The following KCNQ4 variants were observed in gnomAD, a reference collection of about 807,000 sequenced individuals.
The protein encoded by KCNQ4 is potassium voltage-gated channel subfamily KQT member 4.
A neutral mutation model predicts 72.6 loss-of-function variants in KCNQ4; 31 were observed. That is an observed-to-expected ratio of 0.43 (90% CI 0.32 to 0.58). KCNQ4 has a LOEUF of 0.58. KCNQ4 is among the 20% of genes least tolerant of loss of function. The pLI is 0.08. For missense variants in KCNQ4, 869 were observed against 962.6 expected (o/e 0.90, Z 1.29); for synonymous variants, 405 against 403.7 (o/e 1.00, Z -0.04).
At chr1:40,801,351 G>A (rs1354221466) in intron 1 of KCNQ4, among the ~76,000 whole-genome samples, 1 of 152,130 alleles carries the variant, frequency 6.6e-6, no homozygotes, top group East Asian at 1.9e-4. Flanking sequence ...AGGTCTCCAG[G>A]CTGGGGAGAG....
chr1:40,815,923 G>A (rs6661888), intron 1 of KCNQ4, among the ~76,000 whole-genome samples: 21,327 of 152,088 alleles, frequency 0.14, 1,607 homozygotes, highest in East Asian at 0.29. Flanking sequence ...AGGTCACCAC[G>A]AAACATGAAT....
At chr1:40,809,926 G>C (rs536229796) in intron 1 of KCNQ4, among the ~76,000 whole-genome samples, 1 of 152,018 alleles carries the variant, frequency 6.6e-6, no homozygotes, top group Admixed American at 6.6e-5. Context: ...TTAGCCGGGC[G>C]TGGTGGTAGG....
rs531724407 is a variant in KCNQ4 at position 40,794,841 on chromosome 1, C to T, written c.314+10434C>T. ...GTCTGGGCGCCATCCCGGCTCCTCC[C>T]CACTGAGCTGTGGAGCCAGAAGAGG... On this transcript the variant is annotated intron_variant, in intron 1 of 13. Coordinates refer to ENST00000347132, the MANE Select transcript of KCNQ4 (RefSeq NM_004700.4). The surrounding 1 kb of genome is among the most constrained non-coding windows in gnomAD (Gnocchi z 4.2). Among the ~76,000 whole-genome samples the T allele has an allele frequency of 2.1e-4, 32 of 152,222 alleles. No homozygotes were observed. The highest frequency in any genetic ancestry group is 7.5e-4 in the African/African-American group (31 of 41,514).
intron 1 of KCNQ4, among the ~76,000 whole-genome samples, chr1:40,808,225 G>T (rs1051401766): frequency 1.3e-5 from 2 of 152,138 alleles, no homozygotes; most frequent in East Asian, 3.9e-4. Flanking sequence ...GAGGAAGGAG[G>T]GGGCAAGGCC....
At chr1:40,824,282 C>T (rs1052513125) in intron 9 of KCNQ4, 24 bp downstream of exon 9, 48 of 1,598,546 alleles carry the variant, frequency 3.0e-5, no homozygotes, top group African/African-American at 5.4e-5. Flanking sequence ...GGGGCTGCCA[C>T]CTCCTCTTGC....
chr1:40,802,762 A>C (rs546956367), intron 1 of KCNQ4, among the ~76,000 whole-genome samples: 1 of 152,162 alleles, frequency 6.6e-6, no homozygotes, highest in East Asian at 1.9e-4. Flanking sequence ...ACGTGAACCC[A>C]AGCCTTTCTG....
chr1:40,793,377 T>G (rs1042175088), intron 1 of KCNQ4, among the ~76,000 whole-genome samples: 9 of 152,120 alleles, frequency 5.9e-5, no homozygotes, highest in African/African-American at 2.2e-4. Context: ...CAGCTCTGCC[T>G]CCTCTTTCTG....
intron 1 of KCNQ4, among the ~76,000 whole-genome samples, chr1:40,814,046 C>CTTTTTTTTTTTTTTTTTTTTTT (rs35243800): frequency 3.8e-5 from 2 of 52,698 alleles, no homozygotes; most frequent in Non-Finnish European, 6.6e-5. Context: ...TGCGCCCGGC[C>CTTTTTTTTTTTTTTTTTTTTTT]TTTTTTTTTT....
intron 1 of KCNQ4, among the ~76,000 whole-genome samples, chr1:40,815,051 C>A (rs1648042460): frequency 6.6e-6 from 1 of 151,876 alleles, no homozygotes; most frequent in Non-Finnish European, 1.5e-5. Context: ...ACCATCCTGG[C>A]CAACATGGTG....
At chr1:40,818,996 A>G (rs2148318906) in intron 4 of KCNQ4, 1 of 557,920 alleles carries the variant, frequency 1.8e-6, no homozygotes, top group Non-Finnish European at 3.3e-6. Context: ...CTGAGGTGGG[A>G]CTTGAGGGTG....
At chr1:40,819,570 G>A in intron 5 of KCNQ4, 98 bp downstream of exon 5, 1 of 1,520,298 alleles carries the variant, frequency 6.6e-7, no homozygotes, top group Non-Finnish European at 9.0e-7. Flanking sequence ...AGGGTTGAGC[G>A]GGCCTGCCCC....
At chr1:40,811,161 G>A (rs1189706831) in intron 1 of KCNQ4, among the ~76,000 whole-genome samples, 1 of 152,144 alleles carries the variant, frequency 6.6e-6, no homozygotes, top group East Asian at 1.9e-4. Flanking sequence ...TTGGCACAGT[G>A]TCTGGCCAAT....
rs1361874137 is a variant in KCNQ4 at position 40,817,013 on chromosome 1, T to C, written c.315-252T>C. ...GACCTGCTACTCACAGATGAGTGAC[T>C]ACCTCTCTGAGCTGCAGCCTGCAGC... is the stretch of plus-strand genomic sequence containing the variant. On this transcript the variant is annotated intron_variant, in intron 1 of 13. Transcript: ENST00000347132. The surrounding 1 kb of genome is among the most constrained non-coding windows in gnomAD (Gnocchi z 5.5). 6.6e-6 allele frequency among the ~76,000 whole-genome samples: 1 copy of C among 152,246 alleles called. No homozygotes were observed. The highest frequency in any genetic ancestry group is 1.5e-5 in the Non-Finnish European group (1 of 68,034).
At chr1:40,829,225 G>A (rs3754175) in intron 9 of KCNQ4, among the ~76,000 whole-genome samples, 7,367 of 152,326 alleles carry the variant, frequency 0.048, 238 homozygotes, top group East Asian at 0.078. Flanking sequence ...GACAGGAGAA[G>A]GGGTTGCACG....
At chr1:40,785,294 T>A (rs1164486611) in intron 1 of KCNQ4, among the ~76,000 whole-genome samples, 1 of 152,234 alleles carries the variant, frequency 6.6e-6, no homozygotes, top group Admixed American at 6.5e-5. Context: ...GGGTACGGCC[T>A]GGCCCAGCCA....
At position 40,817,225 on chromosome 1, in the gene KCNQ4, C is replaced by A; in HGVS notation, c.315-40C>A. ...CAGGGGCACCTTGGCTGTCCTGTCC[C>A]TCCAACAATCTAACCCTCTCCCTCA... On this transcript the variant is annotated intron_variant, in intron 1 of 13. Coordinates refer to ENST00000347132, the MANE Select transcript of KCNQ4 (RefSeq NM_004700.4). The surrounding 1 kb of genome is among the most constrained non-coding windows in gnomAD (Gnocchi z 5.5). 6.4e-7 allele frequency: 1 copy of A among 1,563,800 alleles called. No individual in the cohort carries two copies. The highest frequency in any genetic ancestry group is 8.8e-7 in the Non-Finnish European group (1 of 1,136,748).
At position 40,838,475 on chromosome 1, in the gene KCNQ4, C is replaced by A; in HGVS notation, c.2040C>A (p.Ser680=). The change falls in exon 14 of 14, where the codon TCC becomes TCA. Residue 680 remains serine, a synonymous_variant. Transcript: ENST00000347132. ...SPVDHEDISV[S]AQTLSISRSV... is the part of the protein sequence containing the mutation. ...TGGACCACGAGGACATCTCCGTCTCCGCACAGACGCTCAGCATCTCCCGCT... is the reference window on the plus strand; with the variant it reads ...TGGACCACGAGGACATCTCCGTCTCAGCACAGACGCTCAGCATCTCCCGCT... The A allele has an allele frequency of 1.2e-6, 2 of 1,614,150 alleles. No homozygotes were observed. Among genetic ancestry groups the A allele is most frequent in the Non-Finnish European group, 1.7e-6 (2 of 1,179,972 alleles).
intron 7 of KCNQ4, among the ~76,000 whole-genome samples, chr1:40,821,529 G>A (rs1181751391): frequency 9.9e-5 from 15 of 152,192 alleles, no homozygotes; most frequent in Non-Finnish European, 2.2e-4. Flanking sequence ...CATCCCTCCT[G>A]CTGCAGAGGA....
chr1:40,837,200 G>T (rs922087211), intron 12 of KCNQ4, among the ~76,000 whole-genome samples: 7 of 151,294 alleles, frequency 4.6e-5, no homozygotes, highest in African/African-American at 1.5e-4. Flanking sequence ...TGATCTTCCT[G>T]CCTCAGCCTC....
Sources: gnomAD v4.1 joint callset for allele counts (sites outside exome capture counted in the v4.1 genomes callset) on GRCh38, gnomAD v4.1.1 for gene constraint, Gnocchi (gnomAD v3.1) non-coding constraint, MANE v1.5 for transcripts, NCBI Gene and HGNC (gene_info 2026-07-23, HGNC 2026-07-21) for gene names.